CENPN: variants seen among roughly 807,000 people sequenced by gnomAD.
The protein encoded by CENPN is interphase centromere complex protein 32.
A neutral mutation model predicts 48.6 loss-of-function variants in CENPN; 36 were observed. That is an observed-to-expected ratio of 0.74 (90% confidence interval 0.57 to 0.98). The LOEUF is 0.98. CENPN is among the 50% of genes least tolerant of loss of function. The pLI is 0.00. For missense variants in CENPN, 439 were observed against 399.2 expected (o/e 1.10, Z -0.85); for synonymous variants, 166 against 135.2 (o/e 1.23, Z -1.58).
intron 1 of CENPN, among the ~76,000 whole-genome samples, chr16:81,011,571 C>T (rs9925780): frequency 0.22 from 33,346 of 152,160 alleles, 3,845 homozygotes; most frequent in East Asian, 0.36. Flanking sequence ...GGAGAGATAG[C>T]ACTAATTTTT....
chr16:81,030,471 G>T lies in CENPN; in HGVS notation c.*1820G>T. 1.1e-6 allele frequency: 1 copy of T among 891,394 alleles called. No homozygotes were observed. The highest frequency in any genetic ancestry group is 1.3e-6 in the Non-Finnish European group (1 of 744,162). The allele number at this position is 891,394 out of a possible 1,614,324, so 55.2% of individuals were successfully genotyped here. ...TAGAAAAATGACTTCACTCTGGGCC[G>T]GGTGTAGTGGCTCACGCCTGTAATC... On this transcript the variant is annotated 3_prime_UTR_variant, in exon 11 of 11. Coordinates refer to ENST00000305850, the MANE Select transcript of CENPN (RefSeq NM_001100624.3).
At chr16:81,022,855 A>C (rs1367859455) in intron 7 of CENPN, 157 bp downstream of exon 7, 1 of 1,612,120 alleles carries the variant, frequency 6.2e-7, no homozygotes, top group East Asian at 2.2e-5. Context: ...TGAAAGGAAA[A>C]TAAAAATTCC....
At chr16:81,032,594 T>A (rs779301396), downstream of CENPN, 8 of 1,611,870 alleles carry the variant, frequency 5.0e-6, no homozygotes, top group South Asian at 4.4e-5. Context: ...ATCCAAAAGC[T>A]GCTCTGCTAT....
chr16:81,017,503 C>A (rs1311212520), intron 4 of CENPN, 118 bp downstream of exon 4: 71 of 729,086 alleles, frequency 9.7e-5, no homozygotes, highest in Non-Finnish European at 4.0e-5. Context: ...GAGCAAGACT[C>A]TATATCCAAA....
intron 9 of CENPN, among the ~76,000 whole-genome samples, 196 bp from the exon 10 acceptor site, chr16:81,027,975 G>A (rs1182758099): frequency 6.6e-6 from 1 of 152,176 alleles, no homozygotes; most frequent in African/African-American, 2.4e-5. Context: ...AAAGTGCTGA[G>A]ATTACAGGCA....
chr16:81,028,613 A>T lies in CENPN; in HGVS notation c.982A>T (p.Asn328Tyr). The T allele has an allele frequency of 6.2e-7, 1 of 1,612,156 alleles. No individual in the cohort carries two copies. The highest frequency in any genetic ancestry group is 8.5e-7 in the Non-Finnish European group (1 of 1,179,598). The change falls in exon 11 of 11, where the codon AAC (asparagine) becomes TAC (tyrosine). Residue 328 changes from asparagine to tyrosine, a missense_variant. By Grantham distance (143) the Asn-to-Tyr change is moderately radical (BLOSUM62 -2). Transcript: ENST00000305850. The part of the protein sequence containing the change: ...PLSPLLTCIP[N>Y]KRMNYFKIRD... ...TTCTCCACTGCTCACTTGCATACCC[A>T]ACAAGAGAATGAATTATTTTAAAAT...
chr16:81,023,037 G>C (rs1970289766), intron 7 of CENPN: 1 of 672,144 alleles, frequency 1.5e-6, no homozygotes, highest in Non-Finnish European at 2.3e-6. Flanking sequence ...TGAAACAACA[G>C]AGAAGTAGAA....
In CENPN at chr16:81,030,080, C is replaced by T. The variant is rs1006936459; in HGVS notation, c.*1429C>T. 2.4e-6 allele frequency: 1 copy of T among 418,562 alleles called. No individual in the cohort carries two copies. The highest frequency in any genetic ancestry group is 3.2e-6 in the Non-Finnish European group (1 of 312,316). 25.9% of individuals were successfully genotyped at this position (418,562 alleles called of 1,614,324 possible). ...CACCAGAGCTCATGAAACTTATTCA[C>T]TACCATGAGAATAGTATGGGGGAAA... On this transcript the variant is annotated 3_prime_UTR_variant, in exon 11 of 11. Transcript: ENST00000305850.
intron 1 of CENPN, among the ~76,000 whole-genome samples, chr16:81,008,055 C>G (rs1969535928): frequency 6.6e-6 from 1 of 151,988 alleles, no homozygotes; most frequent in Non-Finnish European, 1.5e-5. Context: ...TGCAGTGACC[C>G]GAGATCGCGC....
chr16:81,028,547 T>A, intron 10 of CENPN, 22 bp from the exon 11 acceptor site: 2 of 14,656 alleles, frequency 1.4e-4, no homozygotes, highest in Non-Finnish European at 3.5e-4. Flanking sequence ...TCTTTTTCCC[T>A]TTTTTTTTTT....
At chr16:81,012,599 T>G (rs1232296339) in intron 2 of CENPN, among the ~76,000 whole-genome samples, 1 of 152,236 alleles carries the variant, frequency 6.6e-6, no homozygotes, top group African/African-American at 2.4e-5. Context: ...ATTTATTTAT[T>G]TTTTATTTAT....
intron 6 of CENPN, chr16:81,022,286 C>A: frequency 3.4e-6 from 1 of 295,512 alleles, no homozygotes; most frequent in Non-Finnish European, 6.4e-6. Context: ...GACTGATATT[C>A]AAAAACAGTA....
intron 8 of CENPN, among the ~76,000 whole-genome samples, chr16:81,026,157 GTATATATATGTGTA>G (rs1970476064): frequency 7.3e-6 from 1 of 136,912 alleles, no homozygotes; most frequent in African/African-American, 3.2e-5. Flanking sequence ...ATATATATGT[GTATATATATGTGTA>G]TATATATGTG....
chr16:81,026,291 C>T (rs2151709927), intron 8 of CENPN, among the ~76,000 whole-genome samples: 1 of 151,196 alleles, frequency 6.6e-6, no homozygotes, highest in East Asian at 1.9e-4. Context: ...AAAATGCTAA[C>T]AGTGCTTATC....
chr16:81,018,246 G>A (rs993104136), intron 5 of CENPN, among the ~76,000 whole-genome samples: 1 of 151,416 alleles, frequency 6.6e-6, no homozygotes, highest in South Asian at 2.1e-4. Context: ...GCGAGATCTC[G>A]GCTCACTGCA....
chr16:81,012,761 A>G (rs2151678177), intron 2 of CENPN, among the ~76,000 whole-genome samples: 1 of 152,172 alleles, frequency 6.6e-6, no homozygotes, highest in East Asian at 1.9e-4. Flanking sequence ...ACACTGGCTA[A>G]TTTTTGTATT....
chr16:81,013,756 C>T (rs957546921), intron 2 of CENPN, among the ~76,000 whole-genome samples: 45 of 151,726 alleles, frequency 3.0e-4, no homozygotes, highest in African/African-American at 6.8e-4. Context: ...ATCTGGGAGG[C>T]AGTGCTGGTG....
intron 3 of CENPN, among the ~76,000 whole-genome samples, chr16:81,015,941 A>T (rs1474423466): frequency 2.0e-5 from 3 of 151,128 alleles, no homozygotes; most frequent in Non-Finnish European, 4.4e-5. Context: ...GGAGACAGAG[A>T]TTGCAGTCAG....
At chr16:81,026,071 G>A (rs960035397) in intron 8 of CENPN, among the ~76,000 whole-genome samples, 4 of 140,258 alleles carry the variant, frequency 2.9e-5, no homozygotes, top group Non-Finnish European at 3.1e-5. Context: ...ATATATATAT[G>A]TGTGTGTGTG....
Sources: allele counts gnomAD v4.1 joint callset (sites outside exome capture counted in the v4.1 genomes callset), GRCh38; gene constraint gnomAD v4.1.1; transcripts MANE v1.5; gene names NCBI Gene and HGNC (gene_info 2026-07-23, HGNC 2026-07-21).